PTPRD: variants seen among roughly 807,000 people sequenced by gnomAD.
PTPRD encodes the protein receptor-type tyrosine-protein phosphatase delta.
PTPRD carries 34 observed loss-of-function variants against 214.5 expected under a neutral mutation model. The observed-to-expected ratio is 0.16, with a 90% CI of 0.12 to 0.21. The LOEUF (loss-of-function observed/expected upper bound fraction) is 0.21, where lower values mean the gene tolerates loss of function less well. Among genes scored for constraint, PTPRD ranks in the 10% least tolerant of loss-of-function variants. The pLI is 1.00. For missense variants in PTPRD, 2,545 were observed against 2,398.7 expected, an observed-to-expected ratio of 1.06 and a Z score of -1.27; for synonymous variants, 1,128 against 845.7, an observed-to-expected ratio of 1.33 and a Z score of -5.79.
chr9:9,905,069 T>A (rs1348089025), intron 5 of PTPRD, among the ~76,000 whole-genome samples: 2 of 152,042 alleles, frequency 1.3e-5, no homozygotes, highest in African/African-American at 4.8e-5. Context: ...ACTCAGTAGT[T>A]TTCCTTTCTA....
At chr9:10,451,998 G>A (rs528767834) in intron 2 of PTPRD, among the ~76,000 whole-genome samples, 22 of 152,078 alleles carry the variant, frequency 1.4e-4, no homozygotes, top group African/African-American at 5.3e-4. Flanking sequence ...GAGCTTTCCT[G>A]TTAGCTTCTG....
intron 15 of PTPRD, 64 bp downstream of exon 15, chr9:8,528,527 G>T: frequency 1.5e-6 from 2 of 1,324,616 alleles, no homozygotes; most frequent in Non-Finnish European, 2.1e-6. Flanking sequence ...TTAAAAATAA[G>T]GAGAGAGAAA....
chr9:8,331,005 TTATTTC>T (rs1423960036), intron 44 of PTPRD, among the ~76,000 whole-genome samples: 2 of 151,474 alleles, frequency 1.3e-5, no homozygotes, highest in African/African-American at 4.9e-5. Flanking sequence ...TACTTGCTAT[TTATTTC>T]TATTAACTTC....
intron 8 of PTPRD, among the ~76,000 whole-genome samples, chr9:9,525,414 TA>T (rs1308457593): frequency 1.3e-5 from 2 of 152,152 alleles, no homozygotes; most frequent in Non-Finnish European, 2.9e-5. Context: ...TCCTTTTACA[TA>T]AAGTAAAACT....
chr9:9,759,532 A>G (rs1050547084), intron 6 of PTPRD, among the ~76,000 whole-genome samples: 13 of 150,032 alleles, frequency 8.7e-5, no homozygotes, highest in Non-Finnish European at 1.9e-4. Context: ...TGATGCAAAC[A>G]TCTTCAAATA....
Position 10,356,186 on chromosome 9 carries a change from C to T in PTPRD, c.-599-15169G>A, listed in dbSNP as rs545247505. ...ACTGCCTGGCCACAGGCTAGTGTGGCTTCCTAAAAGCCTATTCATACACTT... is the reference window on the plus strand; with the variant it reads ...ACTGCCTGGCCACAGGCTAGTGTGGTTTCCTAAAAGCCTATTCATACACTT... On this transcript the variant is annotated intron_variant, in intron 2 of 45. Coordinates refer to ENST00000381196, the MANE Select transcript of PTPRD (RefSeq NM_002839.4). Among the ~76,000 whole-genome samples, 11 of 151,446 alleles carry T rather than the reference C, an allele frequency of 7.3e-5. No homozygotes were observed. The South Asian group carries it at 2.1e-3, about 29-fold the overall frequency.
At chr9:10,439,208 T>A (rs1474082717) in intron 2 of PTPRD, among the ~76,000 whole-genome samples, 1 of 150,672 alleles carries the variant, frequency 6.6e-6, no homozygotes, top group African/African-American at 2.5e-5. Flanking sequence ...GACTCCGGCA[T>A]GTTTTGTGTC....
chr9:9,303,735 A>C (rs1218915976), intron 9 of PTPRD, among the ~76,000 whole-genome samples: 3 of 152,122 alleles, frequency 2.0e-5, no homozygotes, highest in African/African-American at 7.2e-5. Context: ...TACTTGAGGG[A>C]ATCCTAAAGT....
intron 11 of PTPRD, among the ~76,000 whole-genome samples, chr9:8,938,470 G>C (rs968055607): frequency 6.6e-6 from 1 of 152,062 alleles, no homozygotes; most frequent in African/African-American, 2.4e-5. Context: ...CGCCTTGCTG[G>C]CTCCTGAGCA....
chr9:8,645,299 A>G (rs1206772713), intron 12 of PTPRD, among the ~76,000 whole-genome samples: 1 of 152,234 alleles, frequency 6.6e-6, no homozygotes, highest in Non-Finnish European at 1.5e-5. Context: ...ACAAAAATCA[A>G]TGTCAGAAAA....
At chr9:8,507,537 T>G in intron 21 of PTPRD, 103 bp from the exon 22 acceptor site, 1 of 1,392,680 alleles carries the variant, frequency 7.2e-7, no homozygotes, top group South Asian at 1.3e-5. Context: ...TCTGTACACA[T>G]GTACCAGCTT....
At chr9:10,505,355 T>G (rs1466016160) in intron 2 of PTPRD, among the ~76,000 whole-genome samples, 3 of 152,112 alleles carry the variant, frequency 2.0e-5, no homozygotes, top group Non-Finnish European at 4.4e-5. Flanking sequence ...ATATTGTAGT[T>G]TTCATGAAAG....
chr9:9,897,144 AC>A (rs2075211908), intron 5 of PTPRD, among the ~76,000 whole-genome samples: 1 of 151,664 alleles, frequency 6.6e-6, no homozygotes, highest in African/African-American at 2.4e-5. Flanking sequence ...ACACACACAC[AC>A]ACACACACAC....
chr9:10,560,656 A>C (rs1301651317), intron 2 of PTPRD, among the ~76,000 whole-genome samples: 2 of 152,200 alleles, frequency 1.3e-5, no homozygotes, highest in Non-Finnish European at 2.9e-5. Context: ...CACACATGCA[A>C]AACTCAAAGA....
At chr9:9,087,261 C>A (rs2099768416) in intron 10 of PTPRD, among the ~76,000 whole-genome samples, 1 of 151,844 alleles carries the variant, frequency 6.6e-6, no homozygotes, top group African/African-American at 2.4e-5. Context: ...GGTCCTTGGC[C>A]CTGAAGAGTT....
intron 4 of PTPRD, among the ~76,000 whole-genome samples, chr9:9,960,381 C>T (rs373684687): frequency 2.6e-5 from 4 of 152,278 alleles, no homozygotes; most frequent in Admixed American, 2.0e-4. Flanking sequence ...GCTACTCTAT[C>T]TCAAGAAAGT....
chr9:9,461,109 A>T (rs555703375), intron 8 of PTPRD, among the ~76,000 whole-genome samples: 2 of 152,118 alleles, frequency 1.3e-5, no homozygotes, highest in African/African-American at 4.8e-5. Context: ...TATAAGTGGG[A>T]GCTAAACAAT....
intron 11 of PTPRD, among the ~76,000 whole-genome samples, chr9:8,997,874 T>C (rs937152574): frequency 5.9e-5 from 9 of 152,106 alleles, no homozygotes; most frequent in African/African-American, 2.2e-4. Context: ...AACAGCCTTA[T>C]TGCTGATATG....
At chr9:8,364,752 C>A (rs925987816) in intron 39 of PTPRD, among the ~76,000 whole-genome samples, 1 of 152,206 alleles carries the variant, frequency 6.6e-6, no homozygotes, top group Non-Finnish European at 1.5e-5. Flanking sequence ...TTTTCTGCTG[C>A]GGTAGCCTCA....
Sources: allele counts gnomAD v4.1 joint callset (sites outside exome capture counted in the v4.1 genomes callset), GRCh38; gene constraint gnomAD v4.1.1; transcripts MANE v1.5; gene names NCBI Gene and HGNC (gene_info 2026-07-23, HGNC 2026-07-21).